The following C2orf42 variants were observed in gnomAD, a reference collection of about 807,000 sequenced individuals.
The protein encoded by C2orf42 is uncharacterized protein C2orf42.
A neutral mutation model predicts 58.9 loss-of-function variants in C2orf42; 44 were observed. That is an observed-to-expected ratio of 0.75 (90% CI 0.59 to 0.96). C2orf42 has a LOEUF of 0.96. Among genes scored for constraint, C2orf42 ranks in the 40% least tolerant of loss-of-function variants. The pLI is 0.00. For synonymous variants in C2orf42, 239 were observed against 265.4 expected, an observed-to-expected ratio of 0.90 and a Z score of 0.97; for missense variants, 630 against 699.2, an observed-to-expected ratio of 0.90 and a Z score of 1.12.
Position 70,150,246 on chromosome 2 carries a change from G to A in C2orf42, c.*110C>T, listed in dbSNP as rs1484398796. 1 of 851,612 alleles carries A rather than the reference G, an allele frequency of 1.2e-6. No individual in the cohort carries two copies. Among genetic ancestry groups the A allele is most frequent in the South Asian group, 1.5e-5 (1 of 65,848 alleles). 52.8% of individuals were successfully genotyped at this position (851,612 alleles called of 1,614,324 possible). ...CACTGAGAATTTGCATCTTAGCTAA[G>A]AGCAGTTTACCAAGGAACAGGGCCA... On this transcript the variant is annotated 3_prime_UTR_variant, in exon 10 of 10. Coordinates refer to ENST00000264434, the MANE Select transcript of C2orf42 (RefSeq NM_017880.3).
At chr2:70,166,035 C>T (rs888600066) in intron 6 of C2orf42, among the ~76,000 whole-genome samples, 18 of 151,844 alleles carry the variant, frequency 1.2e-4, no homozygotes, top group African/African-American at 4.1e-4. Context: ...TGACTACAGG[C>T]GTGCACCACC....
In C2orf42 at chr2:70,165,066, C is replaced by A; in HGVS notation, c.1353+26G>T. The A allele has an allele frequency of 3.1e-6, 4 of 1,272,534 alleles. No individual in the cohort carries two copies. Among genetic ancestry groups the A allele is most frequent in the Non-Finnish European group, 4.5e-6 (4 of 884,198 alleles). 78.8% of individuals were successfully genotyped at this position (1,272,534 alleles called of 1,614,324 possible). On this transcript the variant is annotated intron_variant, in intron 8 of 9. Coordinates refer to ENST00000264434, the MANE Select transcript of C2orf42 (RefSeq NM_017880.3). The stretch of plus-strand genomic sequence containing the variant: ...TCCCTCTCTTCCCTTCACAACCCTC[C>A]CACTGTTATAGAAATAAACTCTCAC...
Position 70,165,622 on chromosome 2 carries a change from T to C in C2orf42, c.1158A>G (p.Pro386=), listed in dbSNP as rs750616764. The C allele has an allele frequency of 2.9e-5, 46 of 1,594,258 alleles. No individual in the cohort carries two copies. In the Admixed American group the frequency reaches 6.0e-4, roughly 21 times the overall value. Residue 386 remains proline, a synonymous_variant, in exon 7 of 10, where the codon CCA becomes CCG. Coordinates refer to ENST00000264434, the MANE Select transcript of C2orf42 (RefSeq NM_017880.3). The part of the protein sequence containing the change: ...MHYQFDGKPE[P]LVFHIPQSFF... ...ATGACTGAGGAATGTGGAACACCAA[T>C]GGTTCTGGTTTGCCTATGGGAAACA...
intron 6 of C2orf42, among the ~76,000 whole-genome samples, chr2:70,168,120 G>A (rs578118899): frequency 2.6e-5 from 4 of 151,676 alleles, no homozygotes; most frequent in South Asian, 2.1e-4. Context: ...TGTAATCCCA[G>A]CTACTTGGGA....
At chr2:70,156,597 T>C (rs1172415455) in intron 9 of C2orf42, among the ~76,000 whole-genome samples, 2 of 152,094 alleles carry the variant, frequency 1.3e-5, no homozygotes, top group Non-Finnish European at 2.9e-5. Context: ...TGGTGGCTTA[T>C]GCCTGTAATC....
At chr2:70,187,127 C>CA (rs979792416) in intron 1 of C2orf42, among the ~76,000 whole-genome samples, 81 of 147,952 alleles carry the variant, frequency 5.5e-4, no homozygotes, top group Middle Eastern at 3.5e-3. Flanking sequence ...CAAAACAAAA[C>CA]AAAAAAAAAA....
chr2:70,170,931 C>T (rs1573003779), intron 5 of C2orf42, among the ~76,000 whole-genome samples: 3 of 151,554 alleles, frequency 2.0e-5, no homozygotes, highest in Admixed American at 2.0e-4. Context: ...CTGGCTAATA[C>T]AGTGAAACCC....
At chr2:70,168,432 C>T (rs1673557533) in intron 6 of C2orf42, among the ~76,000 whole-genome samples, 1 of 150,718 alleles carries the variant, frequency 6.6e-6, no homozygotes, top group South Asian at 2.1e-4. Flanking sequence ...GGACTACAGG[C>T]ACCCGCCACC....
intron 9 of C2orf42, among the ~76,000 whole-genome samples, chr2:70,159,036 C>G (rs536901541): frequency 2.7e-5 from 4 of 149,546 alleles, no homozygotes; most frequent in Non-Finnish European, 5.9e-5. Flanking sequence ...CTCAGCCTCC[C>G]GCCACCGCGC....
chr2:70,181,000 CAAAAAAAAAAAAAA>C (rs58297085), intron 3 of C2orf42, among the ~76,000 whole-genome samples, 149 bp downstream of exon 3: 2 of 60,404 alleles, frequency 3.3e-5, no homozygotes, highest in Admixed American at 4.8e-4. Flanking sequence ...GACCTTGTCT[CAAAAAAAAAAAAAA>C]AAAAAAAAAA....
intron 1 of C2orf42, among the ~76,000 whole-genome samples, chr2:70,186,954 G>A (rs1368904169): frequency 2.6e-5 from 4 of 151,894 alleles, no homozygotes; most frequent in African/African-American, 9.7e-5. Flanking sequence ...GGACAGTTGT[G>A]GGGTGGGGGG....
At chr2:70,154,742 A>G (rs78858211) in intron 9 of C2orf42, among the ~76,000 whole-genome samples, 1 of 151,566 alleles carries the variant, frequency 6.6e-6, no homozygotes, top group East Asian at 1.9e-4. Flanking sequence ...AGAGAATCAA[A>G]GTTTTTTGTT....
intron 1 of C2orf42, among the ~76,000 whole-genome samples, chr2:70,189,420 A>AG (rs1675176124): frequency 7.3e-6 from 1 of 137,580 alleles, no homozygotes; most frequent in Non-Finnish European, 1.6e-5. Flanking sequence ...AAAAAAAAAA[A>AG]AAAAAAAAAA....
chr2:70,185,041 G>C (rs1674839997), intron 1 of C2orf42, among the ~76,000 whole-genome samples: 1 of 151,264 alleles, frequency 6.6e-6, no homozygotes, highest in South Asian at 2.1e-4. Context: ...AGTGAACCGA[G>C]ATCATGCCAC....
At position 70,150,523 on chromosome 2, in the gene C2orf42, T is replaced by C; in HGVS notation, c.1558A>G (p.Ile520Val). Residue 520 changes from isoleucine (I) to valine (V), a missense_variant, in exon 10 of 10, where the codon ATC becomes GTC. Transcript: ENST00000264434. Reference protein sequence around the residue: ...PDQKEPTPFIIEWIPDILPQS... With the variant: ...PDQKEPTPFIVEWIPDILPQS... Reference sequence around the variant, plus strand: ...GGAAGGATATCTGGGATCCACTCGATGATGAAAGGTGTTGGCTCCTTTTGA... The same window carrying C: ...GGAAGGATATCTGGGATCCACTCGACGATGAAAGGTGTTGGCTCCTTTTGA... 5 of 1,614,012 alleles carry C rather than the reference T, an allele frequency of 3.1e-6. No homozygotes were observed. The highest frequency in any genetic ancestry group is 4.2e-6 in the Non-Finnish European group (5 of 1,179,926).
intron 1 of C2orf42, chr2:70,190,770 C>G (rs1436015003): frequency 1.3e-5 from 2 of 152,256 alleles, no homozygotes; most frequent in African/African-American, 2.4e-5. Flanking sequence ...CCTCCCCGCG[C>G]GAGCGCTCAC....
intron 9 of C2orf42, among the ~76,000 whole-genome samples, chr2:70,159,347 G>C (rs13030067): frequency 2.0e-5 from 3 of 151,608 alleles, no homozygotes; most frequent in Non-Finnish European, 4.4e-5. Flanking sequence ...TAGCACTTTG[G>C]GGGGCCGAGG....
At chr2:70,168,720 C>CT (rs11380285) in intron 6 of C2orf42, among the ~76,000 whole-genome samples, 34,898 of 142,748 alleles carry the variant, frequency 0.24, 4,482 homozygotes, top group African/African-American at 0.32. Context: ...GTTTATGTCC[C>CT]TTTTTTTTTT....
In C2orf42 at chr2:70,179,620, G is replaced by C; in HGVS notation, c.846C>G (p.Pro282=). Residue 282 remains proline (P), a synonymous_variant, in exon 4 of 10, where the codon CCC becomes CCG. Transcript: ENST00000264434. ...DSSGLKEIIV[P]QLGCHSESTV... ...TTGATTCTGAATGGCAACCTAACTGGGGTACAATAATCTCTTTAAGACCTA... is the reference window on the plus strand; with the variant it reads ...TTGATTCTGAATGGCAACCTAACTGCGGTACAATAATCTCTTTAAGACCTA... 1.3e-6 allele frequency: 2 copies of C among 1,496,492 alleles called. No homozygotes were observed. The highest frequency in any genetic ancestry group is 1.1e-5 in the South Asian group (1 of 88,040). The allele number at this position is 1,496,492 out of a possible 1,614,324, so 92.7% of individuals were successfully genotyped here. A position where few individuals can be genotyped will look rare whatever the true frequency, so the allele number is the denominator to read the frequency against.
Sources: gnomAD v4.1 joint callset for allele counts (sites outside exome capture counted in the v4.1 genomes callset) on GRCh38, gnomAD v4.1.1 for gene constraint, MANE v1.5 for transcripts, NCBI Gene and HGNC (gene_info 2026-07-23, HGNC 2026-07-21) for gene names.